The following SYNE1 variants were observed in gnomAD, a reference collection of about 807,000 sequenced individuals.
SYNE1 encodes spectrin repeat containing nuclear envelope protein 1, also known as nesprin-1.
SYNE1 carries 616 observed loss-of-function variants against 1,111.0 expected under a neutral mutation model. That is an observed-to-expected ratio of 0.55 (90% CI 0.52 to 0.59). SYNE1 has a LOEUF of 0.59. SYNE1 is among the 20% of genes least tolerant of loss of function. SYNE1 has a pLI of 0.00. For missense variants in SYNE1, 10,006 were observed against 10,417.0 expected, an observed-to-expected ratio of 0.96 and a Z score of 1.72; for synonymous variants, 3,855 against 3,825.8, an observed-to-expected ratio of 1.01 and a Z score of -0.28.
Position 152,353,669 on chromosome 6 carries a change from C to T in SYNE1, c.11002G>A (p.Glu3668Lys), listed in dbSNP as rs767544504. The part of the protein sequence containing the change: ...VGARAQEILD[E>K]SHVNSRMGCQ... ...CCCATTCTGCTGTTCACGTGGCTCT[C>T]GTCCAGTATCTCCTGAGCTCTAGCT... The change falls in exon 68 of 146, where the codon GAG (glutamate) becomes AAG (lysine). Residue 3668 changes from glutamate (E) to lysine (K), a missense_variant. Coordinates refer to ENST00000367255, the MANE Select transcript of SYNE1 (RefSeq NM_182961.4). 14 of 1,614,192 alleles carry T rather than the reference C, an allele frequency of 8.7e-6. No individual in the cohort carries two copies. Among genetic ancestry groups the T allele is most frequent in the Middle Eastern group, 1.6e-4 (1 of 6,062 alleles).
At chr6:152,369,390 T>G (rs1591294239) in intron 60 of SYNE1, 81 bp downstream of exon 60, 1 of 1,597,336 alleles carries the variant, frequency 6.3e-7, no homozygotes, top group Admixed American at 1.7e-5. Context: ...AACTCAAGGG[T>G]GCTGAGCATG....
chr6:152,565,553 T>G (rs1032162222), intron 3 of SYNE1, among the ~76,000 whole-genome samples: 11 of 152,130 alleles, frequency 7.2e-5, no homozygotes, highest in African/African-American at 2.4e-4. Context: ...TTCAACCTTA[T>G]AATTCTTGAA....
chr6:152,263,899 C>T (rs2092386109), intron 100 of SYNE1, among the ~76,000 whole-genome samples: 2 of 151,670 alleles, frequency 1.3e-5, no homozygotes, highest in Non-Finnish European at 2.9e-5. Context: ...GAAATAATGG[C>T]CACTCAATAA....
chr6:152,420,170 T>C (rs2098233675), intron 39 of SYNE1, among the ~76,000 whole-genome samples: 2 of 152,216 alleles, frequency 1.3e-5, no homozygotes, highest in Non-Finnish European at 2.9e-5. Context: ...CCATAGACAA[T>C]TATTATTTTA....
Position 152,133,265 on chromosome 6 carries a change from T to A in SYNE1, c.26001+11A>T. On this transcript the variant is annotated intron_variant, in intron 143 of 145. Coordinates refer to ENST00000367255, the MANE Select transcript of SYNE1 (RefSeq NM_182961.4). ...AGAAATGCTACACGATGATGTCTGT[T>A]TATTGCTTACCTGCTGACTACTTGA... 1.2e-6 allele frequency: 2 copies of A among 1,612,716 alleles called. No individual in the cohort carries two copies. The highest frequency in any genetic ancestry group is 2.2e-5 in the South Asian group (2 of 91,042).
intron 127 of SYNE1, 63 bp downstream of exon 127, chr6:152,201,761 G>T: frequency 1.9e-6 from 3 of 1,611,528 alleles, no homozygotes; most frequent in South Asian, 2.2e-5. Context: ...CTGGATTATG[G>T]CCCCAAAGAC....
rs1210101890 is a variant in SYNE1, at chr6:152,145,665, C to A, written c.24977-1900G>T. 19 of 935,578 alleles carry A rather than the reference C, an allele frequency of 2.0e-5. No homozygotes were observed. The East Asian group carries it at 4.7e-4, about 23-fold the overall frequency. 58.0% of individuals were successfully genotyped at this position (935,578 alleles called of 1,614,324 possible). On this transcript the variant is annotated intron_variant, in intron 137 of 145. Transcript: ENST00000367255. ...AAAAAAGGAAGTCAGTTATTCTAGA[C>A]ACATAGCTCCTGAGCGCACAGAGGA... is the stretch of plus-strand genomic sequence containing the variant.
intron 21 of SYNE1, among the ~76,000 whole-genome samples, chr6:152,460,405 C>T (rs894035275): frequency 6.6e-6 from 1 of 152,040 alleles, no homozygotes; most frequent in Non-Finnish European, 1.5e-5. Context: ...TTTTTATGGT[C>T]ATGATTTTTC....
intron 110 of SYNE1, 74 bp downstream of exon 110, chr6:152,236,033 T>C (rs577081636): frequency 2.3e-5 from 35 of 1,510,306 alleles, no homozygotes; most frequent in Admixed American, 1.5e-4. Context: ...TGAGCCATCA[T>C]CCCCCACCCG....
intron 3 of SYNE1, among the ~76,000 whole-genome samples, chr6:152,599,312 T>A (rs1475216493): frequency 6.6e-6 from 1 of 152,176 alleles, no homozygotes; most frequent in Non-Finnish European, 1.5e-5. Flanking sequence ...CTTTGTGCAG[T>A]ACTATTTGGA....
At chr6:152,215,567 T>G (rs970133800) in intron 121 of SYNE1, among the ~76,000 whole-genome samples, 1 of 152,196 alleles carries the variant, frequency 6.6e-6, no homozygotes, top group Non-Finnish European at 1.5e-5. Context: ...GTAAAAGACC[T>G]TACTTCTTAC....
chr6:152,307,911 C>T (rs1000684139), intron 91 of SYNE1, among the ~76,000 whole-genome samples: 1 of 152,186 alleles, frequency 6.6e-6, no homozygotes, highest in Non-Finnish European at 1.5e-5. Context: ...TGGCTCACTG[C>T]AACCTCTGCA....
intron 3 of SYNE1, among the ~76,000 whole-genome samples, chr6:152,614,555 C>T (rs1242922500): frequency 6.6e-6 from 1 of 152,102 alleles, no homozygotes; most frequent in Non-Finnish European, 1.5e-5. Context: ...TTAATTCAAC[C>T]ATTGTGGAAG....
chr6:152,381,644 G>A (rs2097419036), intron 55 of SYNE1: 1 of 475,614 alleles, frequency 2.1e-6, no homozygotes, highest in Non-Finnish European at 3.9e-6. Context: ...ACGTGAAAAT[G>A]TTTAGTGACT....
At chr6:152,620,704 T>C (rs1233623745) in intron 3 of SYNE1, among the ~76,000 whole-genome samples, 1 of 152,168 alleles carries the variant, frequency 6.6e-6, no homozygotes, top group East Asian at 1.9e-4. Context: ...ATCATCTGTC[T>C]CTTGACTTGT....
intron 45 of SYNE1, among the ~76,000 whole-genome samples, chr6:152,406,675 C>T (rs868761971): frequency 2.0e-5 from 3 of 151,978 alleles, no homozygotes; most frequent in South Asian, 2.1e-4. Flanking sequence ...CAAGACCAGC[C>T]TGACCAACAT....
chr6:152,294,077 A>C lies in SYNE1; in HGVS notation c.17733T>G (p.Ala5911=), dbSNP rs1240369601. 2 of 1,613,936 alleles carry C rather than the reference A, an allele frequency of 1.2e-6. No individual in the cohort carries two copies. The highest frequency in any genetic ancestry group is 3.3e-5 in the Admixed American group (2 of 60,006). ...ALSAERLQTD[A]AKIHPSTSAS... is the part of the protein sequence containing the mutation. ...CGGATGTGCTGGGGTGAATTTTTGC[A>C]GCATCTGTCTGCAACCTCTCAGCAG... is the stretch of plus-strand genomic sequence containing the variant. The change falls in exon 94 of 146, where the codon GCT becomes GCG. Residue 5911 remains alanine, a synonymous_variant. Coordinates refer to ENST00000367255, the MANE Select transcript of SYNE1 (RefSeq NM_182961.4).
Position 152,352,343 on chromosome 6 carries a change from T to C in SYNE1, c.11264A>G (p.Lys3755Arg). The C allele has an allele frequency of 6.2e-7, 1 of 1,614,132 alleles. No individual in the cohort carries two copies. The highest frequency in any genetic ancestry group is 1.1e-5 in the South Asian group (1 of 91,074). The change falls in exon 70 of 146, where the codon AAA becomes AGA. Residue 3755 changes from lysine (K) to arginine (R), a missense_variant. This residue lies in a region of SYNE1 where 4,955 missense variants were observed against 5,017.2 expected (regional missense o/e 0.99). Coordinates refer to ENST00000367255, the MANE Select transcript of SYNE1 (RefSeq NM_182961.4). ...CAAACTGTGACCTTTCTCCATGTCT[T>C]TGAGCAAAACCTGAAAAAGAGAGTG... ...KKLKTLEVLL[K>R]DMEKGHSLLK...
chr6:152,458,414 C>T (rs899702224), intron 22 of SYNE1, among the ~76,000 whole-genome samples: 3 of 152,166 alleles, frequency 2.0e-5, no homozygotes, highest in Admixed American at 6.5e-5. Context: ...ATTGCCAGAT[C>T]ACAATGTTGC....
Sources: allele counts gnomAD v4.1 joint callset (sites outside exome capture counted in the v4.1 genomes callset), GRCh38; gene constraint gnomAD v4.1.1; regional missense constraint gnomAD v4.1.1; transcripts MANE v1.5; gene names NCBI Gene and HGNC (gene_info 2026-07-23, HGNC 2026-07-21).